The following UNC79 variants were observed in gnomAD, a reference collection of about 807,000 sequenced individuals.
The protein encoded by UNC79 is protein unc-79 homolog.
In UNC79, 37 loss-of-function variants were observed where a neutral mutation model predicts 283.1. The ratio of observed to expected loss-of-function variants is 0.13; its 90% CI spans 0.10 to 0.17. UNC79 has a LOEUF of 0.17. UNC79 is among the 10% of genes least tolerant of loss of function. The pLI, the probability that UNC79 is intolerant of heterozygous loss-of-function variation, is 1.00. For synonymous variants in UNC79, 1,107 were observed against 1,200.2 expected, an observed-to-expected ratio of 0.92 and a Z score of 1.61; for missense variants, 2,272 against 3,211.1, an observed-to-expected ratio of 0.71 and a Z score of 7.07.
intron 40 of UNC79, among the ~76,000 whole-genome samples, chr14:93,669,442 T>G (rs1261274814): frequency 6.6e-6 from 1 of 152,062 alleles, no homozygotes; most frequent in Non-Finnish European, 1.5e-5. Flanking sequence ...CCCATGAGGC[T>G]AGAGGAACAA....
intron 31 of UNC79, among the ~76,000 whole-genome samples, chr14:93,634,315 T>C (rs1045405240): frequency 3.3e-5 from 5 of 152,256 alleles, no homozygotes; most frequent in Admixed American, 3.3e-4. Context: ...TCAGTGCTAA[T>C]GGGCACTGTT....
At chr14:93,419,577 A>G (rs1251200299) in intron 1 of UNC79, among the ~76,000 whole-genome samples, 1 of 151,816 alleles carries the variant, frequency 6.6e-6, no homozygotes, top group East Asian at 1.9e-4. Flanking sequence ...AAAAGTTAAA[A>G]AGCAGGGGGA....
In UNC79 at chr14:93,527,806, G is replaced by A. The variant is rs113126512; in HGVS notation, c.964-752G>A. Among the ~76,000 whole-genome samples, 1,487 of 152,240 alleles carry A rather than the reference G, an allele frequency of 9.8e-3. 24 individuals carry two copies. Among genetic ancestry groups the A allele is most frequent in the African/African-American group, 0.034 (1,421 of 41,544 alleles). ...TTTAAATTTATGCAAAGTACAAAAT[G>A]CAGTTAGTTATCTAGATTTTTTGTT... On this transcript the variant is annotated intron_variant, in intron 8 of 48. Transcript: ENST00000555664.
At chr14:93,504,122 C>T (rs934715381) in intron 7 of UNC79, among the ~76,000 whole-genome samples, 7 of 151,824 alleles carry the variant, frequency 4.6e-5, no homozygotes, top group African/African-American at 1.2e-4. Context: ...TTTATTTCTC[C>T]TTTTACCAAT....
chr14:93,551,684 A>G (rs575316242), intron 14 of UNC79, among the ~76,000 whole-genome samples: 7 of 152,372 alleles, frequency 4.6e-5, no homozygotes. Context: ...TTGTATGACT[A>G]TTAATGGATA....
At chr14:93,575,172 C>G in exon 17 of UNC79, 1 of 1,613,890 alleles carries the variant, frequency 6.2e-7, no homozygotes. Flanking sequence ...AGTCAGTGAA[C>G]TGGCAGGGAA....
intron 3 of UNC79, among the ~76,000 whole-genome samples, chr14:93,476,385 G>A (rs568043802): frequency 5.3e-5 from 8 of 152,272 alleles, no homozygotes; most frequent in African/African-American, 1.9e-4. Context: ...TAGGCTAAAA[G>A]GCTCAGCAAA....
At chr14:93,427,852 A>G (rs2055765969), upstream of UNC79, among the ~76,000 whole-genome samples, 1 of 152,154 alleles carries the variant, frequency 6.6e-6, no homozygotes, top group African/African-American at 2.4e-5. Context: ...TGAAAAGTAA[A>G]ACAATGCAAC....
chr14:93,564,306 G>A (rs1054884770), intron 14 of UNC79, among the ~76,000 whole-genome samples: 2 of 152,196 alleles, frequency 1.3e-5, no homozygotes, highest in Admixed American at 6.5e-5. Context: ...GCAAAACCAG[G>A]TATCCAAAGG....
At chr14:93,452,534 G>A (rs1458752364) in intron 1 of UNC79, among the ~76,000 whole-genome samples, 1 of 151,966 alleles carries the variant, frequency 6.6e-6, no homozygotes, top group East Asian at 1.9e-4. Context: ...GATTACAGGT[G>A]CTCACCACCA....
At chr14:93,594,444 A>G (rs1566733354) in intron 23 of UNC79, among the ~76,000 whole-genome samples, 1 of 151,974 alleles carries the variant, frequency 6.6e-6, no homozygotes, top group Non-Finnish European at 1.5e-5. Flanking sequence ...TAATTTTTGT[A>G]TTTTTAGTAG....
intron 7 of UNC79, among the ~76,000 whole-genome samples, chr14:93,514,938 C>A (rs537738197): frequency 6.6e-6 from 1 of 152,134 alleles, no homozygotes; most frequent in Non-Finnish European, 1.5e-5. Context: ...GTTTCCTTAT[C>A]TCTTCAAAAG....
rs2059280867 is a variant in UNC79, at chr14:93,501,400, G to A, written c.898+4114G>A. ...AAAATTTACTTATAGAAAAATTACA[G>A]TAACATGTGGCCAGCGCAGTGGCTC... On this transcript the variant is annotated intron_variant, in intron 7 of 48. Transcript: ENST00000555664. Among the ~76,000 whole-genome samples, 3 of 151,484 alleles carry A rather than the reference G, an allele frequency of 2.0e-5. No homozygotes were observed. The South Asian group carries it at 6.3e-4, about 32-fold the overall frequency.
chr14:93,494,353 A>C (rs1255949715), intron 5 of UNC79, among the ~76,000 whole-genome samples: 1 of 152,068 alleles, frequency 6.6e-6, no homozygotes, highest in Non-Finnish European at 1.5e-5. Flanking sequence ...TGAACATGAG[A>C]TTTGGTGGGG....
At chr14:93,624,031 ATAT>A (rs1169802894) in intron 30 of UNC79, among the ~76,000 whole-genome samples, 1 of 152,236 alleles carries the variant, frequency 6.6e-6, no homozygotes, top group Non-Finnish European at 1.5e-5. Flanking sequence ...CTAGCCCCTC[ATAT>A]TATACAGGAA....
intron 38 of UNC79, 54 bp downstream of exon 41, chr14:93,655,461 G>A (rs567863503): frequency 6.3e-6 from 10 of 1,584,692 alleles, no homozygotes; most frequent in Admixed American, 1.7e-5. Context: ...TTTTCAGACC[G>A]TTTATTTACA....
chr14:93,412,395 C>G (rs1193199295), intron 1 of UNC79, among the ~76,000 whole-genome samples: 2 of 151,722 alleles, frequency 1.3e-5, no homozygotes, highest in Non-Finnish European at 2.9e-5. Context: ...CGAGAACTTC[C>G]CAAACTAAGG....
intron 43 of UNC79, among the ~76,000 whole-genome samples, chr14:93,687,142 C>G (rs955013324): frequency 6.6e-6 from 1 of 152,230 alleles, no homozygotes; most frequent in East Asian, 1.9e-4. Flanking sequence ...CTGACTGTTA[C>G]GAGGGTTTGA....
At chr14:93,351,381 C>G (rs1187099871) in intron 1 of UNC79, among the ~76,000 whole-genome samples, 1 of 151,632 alleles carries the variant, frequency 6.6e-6, no homozygotes, top group African/African-American at 2.4e-5. Context: ...TGTTTTGAAC[C>G]TTTTAACATC....
Sources: allele counts gnomAD v4.1 joint callset (sites outside exome capture counted in the v4.1 genomes callset), GRCh38; gene constraint gnomAD v4.1.1; transcripts MANE v1.5; gene names NCBI Gene and HGNC (gene_info 2026-07-23, HGNC 2026-07-21).